BCAT1: variants seen among roughly 807,000 people sequenced by gnomAD.
The protein encoded by BCAT1 is branched chain amino acid transaminase 1.
Under a neutral mutation model 52.4 loss-of-function variants are expected in BCAT1, and 48 were observed. The ratio of observed to expected loss-of-function variants is 0.92; its 90% CI spans 0.73 to 1.16. BCAT1 has a LOEUF of 1.16. BCAT1 is among the 50% of genes most tolerant of loss of function. The pLI, the probability that BCAT1 is intolerant of heterozygous loss-of-function variation, is 0.00. For missense variants in BCAT1, 451 were observed against 457.1 expected (o/e 0.99, Z 0.12); for synonymous variants, 167 against 161.3 (o/e 1.04, Z -0.27).
intron 5 of BCAT1, among the ~76,000 whole-genome samples, chr12:24,859,605 G>A (rs917203836): frequency 1.1e-4 from 14 of 128,608 alleles, no homozygotes; most frequent in African/African-American, 4.5e-4. Context: ...GGGCGACAGA[G>A]CCAGACTCGT....
rs141095320 is a variant in BCAT1 at position 24,835,555 on chromosome 12, A to ATTTTAT, written c.903+955_903+956insATAAAA. ...ACCAAACCTTTTTAAATTTTATTTT[A>ATTTTAT]TTTATTTATTTATTTATTTATTTAT... is the stretch of plus-strand genomic sequence containing the variant. On this transcript the variant is annotated intron_variant, in intron 8 of 10. Transcript: ENST00000261192. Among the ~76,000 whole-genome samples the ATTTTAT allele has an allele frequency of 5.1e-3, 337 of 65,534 alleles. 1 individual carries two copies. The highest frequency in any genetic ancestry group is 9.6e-3 in the Non-Finnish European group (286 of 29,780). The allele number at this position is 65,534 out of a possible 152,430, so 43.0% of individuals were successfully genotyped here. A position where few individuals can be genotyped will look rare whatever the true frequency, so the allele number is the denominator to read the frequency against.
intron 8 of BCAT1, chr12:24,834,365 AGTGT>A: frequency 2.0e-6 from 2 of 985,170 alleles, no homozygotes; most frequent in South Asian, 9.4e-5. Flanking sequence ...CTTCTGCCAA[AGTGT>A]TTGAATATAT....
At chr12:24,825,302 C>G (rs996932435) in intron 10 of BCAT1, among the ~76,000 whole-genome samples, 2 of 151,956 alleles carry the variant, frequency 1.3e-5, no homozygotes, top group African/African-American at 4.8e-5. Context: ...TGGATATATA[C>G]CCGGTGGTAG....
chr12:24,915,521 T>A (rs1943393837), intron 1 of BCAT1, among the ~76,000 whole-genome samples: 1 of 152,180 alleles, frequency 6.6e-6, no homozygotes, highest in African/African-American at 2.4e-5. Flanking sequence ...GAAAATATAT[T>A]AGCATCATTA....
At chr12:24,859,392 G>C (rs189968791) in intron 5 of BCAT1, among the ~76,000 whole-genome samples, 70 of 152,142 alleles carry the variant, frequency 4.6e-4, no homozygotes, top group Admixed American at 1.7e-3. Context: ...AGGCTGAGGC[G>C]GGTGGATCAC....
chr12:24,936,723 T>TCTCTCTCTCTCTCTCTCTCTCTCTCACA (rs201793932), intron 1 of BCAT1, among the ~76,000 whole-genome samples: 1 of 141,800 alleles, frequency 7.1e-6, no homozygotes, highest in African/African-American at 2.5e-5. Flanking sequence ...TCTCTCTCTC[T>TCTCTCTCTCTCTCTCTCTCTCTCTCACA]CACACACACA....
chr12:24,813,700 T>C lies in BCAT1; in HGVS notation c.*4308A>G, dbSNP rs1242438715. 1 of 152,048 alleles carries C rather than the reference T, an allele frequency of 6.6e-6. No individual in the cohort carries two copies. Among genetic ancestry groups the C allele is most frequent in the Non-Finnish European group, 1.5e-5 (1 of 67,920 alleles). The allele number at this position is 152,048 out of a possible 1,614,324, so 9.4% of individuals were successfully genotyped here. A position where few individuals can be genotyped will look rare whatever the true frequency, so the allele number is the denominator to read the frequency against. ...ACACTAACCTAAACACCAACCTTAT[T>C]AAGTAGTTTTGCACTAGAAGAAAGG... On this transcript the variant is annotated 3_prime_UTR_variant, in exon 11 of 11. Transcript: ENST00000261192.
chr12:24,904,801 T>C (rs1943201277), intron 1 of BCAT1: 2 of 152,248 alleles, frequency 1.3e-5, no homozygotes, highest in African/African-American at 2.4e-5. Context: ...CATACCATCA[T>C]CCTGTTATCA....
At chr12:24,948,440 T>A (rs1943967929) in intron 1 of BCAT1, among the ~76,000 whole-genome samples, 1 of 152,166 alleles carries the variant, frequency 6.6e-6, no homozygotes, top group Admixed American at 6.6e-5. Flanking sequence ...GCCTTCTGCT[T>A]TTAACAGTGA....
At chr12:24,883,266 C>CA in intron 3 of BCAT1, among the ~76,000 whole-genome samples, 1 of 152,180 alleles carries the variant, frequency 6.6e-6, no homozygotes, top group East Asian at 1.9e-4. Flanking sequence ...AGCCTGGTGA[C>CA]AGAGTAGCAA....
intron 1 of BCAT1, 47 bp from the exon 2 acceptor site, chr12:24,901,932 C>T: frequency 5.0e-6 from 8 of 1,613,102 alleles, no homozygotes; most frequent in African/African-American, 1.3e-5. Context: ...GGTGGGTAAG[C>T]GGGACCCGGG....
At chr12:24,837,918 T>C (rs1324384504) in intron 7 of BCAT1, among the ~76,000 whole-genome samples, 1 of 152,230 alleles carries the variant, frequency 6.6e-6, no homozygotes, top group Non-Finnish European at 1.5e-5. Flanking sequence ...GTGAGATGAC[T>C]GCAGACATCC....
chr12:24,836,950 GAAAGAAAA>G (rs1476014425), intron 7 of BCAT1, among the ~76,000 whole-genome samples: 3 of 95,384 alleles, frequency 3.1e-5, no homozygotes, highest in Non-Finnish European at 7.3e-5. Flanking sequence ...AAGAAAGAAA[GAAAGAAAA>G]GAGAAAGAAA....
intron 1 of BCAT1, chr12:24,945,775 G>C (rs1943925849): frequency 6.6e-6 from 1 of 152,152 alleles, no homozygotes; most frequent in Non-Finnish European, 1.5e-5. Context: ...AGTGAGTAGA[G>C]ATCACTCTGC....
At chr12:24,852,286 T>G (rs560794003) in intron 5 of BCAT1, among the ~76,000 whole-genome samples, 5 of 152,226 alleles carry the variant, frequency 3.3e-5, no homozygotes, top group African/African-American at 9.6e-5. Flanking sequence ...GAAAATGGAC[T>G]AATACACCCT....
chr12:24,849,035 G>A (rs1941423775), intron 6 of BCAT1, among the ~76,000 whole-genome samples: 1 of 152,206 alleles, frequency 6.6e-6, no homozygotes, highest in South Asian at 2.1e-4. Flanking sequence ...CCACAAGACT[G>A]CCATGGAGTC....
At chr12:24,942,076 C>T (rs1164449728) in intron 1 of BCAT1, among the ~76,000 whole-genome samples, 1 of 152,114 alleles carries the variant, frequency 6.6e-6, no homozygotes, top group East Asian at 1.9e-4. Flanking sequence ...CATCGAACAG[C>T]ACATAATGAA....
chr12:24,898,396 C>A (rs551976503), intron 2 of BCAT1, among the ~76,000 whole-genome samples: 7 of 151,892 alleles, frequency 4.6e-5, no homozygotes, highest in African/African-American at 1.4e-4. Context: ...ATATTAAAAA[C>A]AACTTCCTAA....
intron 4 of BCAT1, among the ~76,000 whole-genome samples, chr12:24,879,554 A>G (rs1288193807): frequency 1.3e-5 from 2 of 152,236 alleles, no homozygotes; most frequent in African/African-American, 4.8e-5. Flanking sequence ...CTATTTAAAT[A>G]TTGACCTGTA....
Sources: allele counts gnomAD v4.1 joint callset (sites outside exome capture counted in the v4.1 genomes callset), GRCh38; gene constraint gnomAD v4.1.1; transcripts MANE v1.5; gene names NCBI Gene and HGNC (gene_info 2026-07-23, HGNC 2026-07-21).